PLEKHA7: variants seen among roughly 807,000 people sequenced by gnomAD.
PLEKHA7 encodes the protein pleckstrin homology domain containing A7.
PLEKHA7 carries 104 observed loss-of-function variants against 170.0 expected under a neutral mutation model. The ratio of observed to expected loss-of-function variants is 0.61; its 90% CI spans 0.52 to 0.72. The LOEUF (loss-of-function observed/expected upper bound fraction) is 0.72. PLEKHA7 is among the 30% of genes least tolerant of loss of function. PLEKHA7 has a pLI of 0.00. For missense variants in PLEKHA7, 1,615 were observed against 1,671.7 expected (o/e 0.97, Z 0.59); for synonymous variants, 648 against 660.8 (o/e 0.98, Z 0.30).
In PLEKHA7 at chr11:16,813,394, C is replaced by T. The variant is rs994873748; in HGVS notation, c.1954-228G>A. Reference sequence around the variant, plus strand: ...CACTGTGGGGAAAGTCAGCTTGTCCCCCACTGGCTAGGGGAAGAGTTTGGC... The same window carrying T: ...CACTGTGGGGAAAGTCAGCTTGTCCTCCACTGGCTAGGGGAAGAGTTTGGC... On this transcript the variant is annotated intron_variant, in intron 12 of 26. Transcript: ENST00000531066. 4 of 440,352 alleles carry T rather than the reference C, an allele frequency of 9.1e-6. No individual in the cohort carries two copies. In the Admixed American group the frequency reaches 1.4e-4, roughly 15 times the overall value. The allele number at this position is 440,352 out of a possible 1,614,324, so 27.3% of individuals were successfully genotyped here.
At chr11:16,915,202 T>A (rs1858547437) in intron 3 of PLEKHA7, among the ~76,000 whole-genome samples, 1 of 152,206 alleles carries the variant, frequency 6.6e-6, no homozygotes, top group Non-Finnish European at 1.5e-5. Flanking sequence ...AACATTGCCC[T>A]GAACTCACAA....
At chr11:17,012,884 C>T (rs879831984) in intron 3 of PLEKHA7, among the ~76,000 whole-genome samples, 1 of 152,154 alleles carries the variant, frequency 6.6e-6, no homozygotes, top group Non-Finnish European at 1.5e-5. Context: ...GTAAATCTCA[C>T]CCATCAGTAT....
intron 3 of PLEKHA7, among the ~76,000 whole-genome samples, chr11:16,992,727 G>C (rs1012709579): frequency 6.1e-5 from 9 of 147,514 alleles, no homozygotes; most frequent in Non-Finnish European, 8.9e-5. Context: ...CTGCACTCCA[G>C]CCTGGGCAAC....
At chr11:16,779,591 G>C (rs1352382327) in intron 26 of PLEKHA7, among the ~76,000 whole-genome samples, 6 of 152,138 alleles carry the variant, frequency 3.9e-5, no homozygotes, top group Non-Finnish European at 5.9e-5. Context: ...CGTGGCTAGA[G>C]CACTTCCCTA....
At chr11:16,915,648 T>C (rs1181920165) in intron 3 of PLEKHA7, among the ~76,000 whole-genome samples, 2 of 151,648 alleles carry the variant, frequency 1.3e-5, no homozygotes, top group Non-Finnish European at 2.9e-5. Flanking sequence ...TTACTGAGAA[T>C]GATGATTTCC....
intron 3 of PLEKHA7, among the ~76,000 whole-genome samples, chr11:16,982,844 G>C (rs1164924016): frequency 6.6e-6 from 1 of 151,816 alleles, no homozygotes; most frequent in Admixed American, 6.6e-5. Context: ...GAGAGAGAGA[G>C]AGAGAAACTC....
At chr11:17,005,340 T>C (rs1360608507) in intron 3 of PLEKHA7, among the ~76,000 whole-genome samples, 1 of 152,154 alleles carries the variant, frequency 6.6e-6, no homozygotes, top group Non-Finnish European at 1.5e-5. Flanking sequence ...GAGACCAGCC[T>C]GGCCAACATG....
At chr11:16,878,230 C>T (rs1302875435) in intron 3 of PLEKHA7, among the ~76,000 whole-genome samples, 3 of 152,170 alleles carry the variant, frequency 2.0e-5, no homozygotes, top group Admixed American at 1.3e-4. Flanking sequence ...TAGCACCCTA[C>T]TCATCTCTTA....
At chr11:16,843,072 A>G (rs1407583824) in intron 8 of PLEKHA7, among the ~76,000 whole-genome samples, 1 of 152,204 alleles carries the variant, frequency 6.6e-6, no homozygotes, top group East Asian at 1.9e-4. Context: ...GAACTTTGCT[A>G]TTTTGTTCAC....
Position 16,955,134 on chromosome 11 carries a change from G to A in PLEKHA7, c.221+58855C>T, listed in dbSNP as rs532115264. 3.3e-5 allele frequency among the ~76,000 whole-genome samples: 5 copies of A among 152,152 alleles called. No homozygotes were observed. The South Asian group carries it at 8.3e-4, about 25-fold the overall frequency. On this transcript the variant is annotated intron_variant, in intron 3 of 26. Transcript: ENST00000531066. ...TTGAACGCAAAGCACTATGCTAGGCGCCCTAGAGAATACAAAGAAGAAAAC... is the reference window on the plus strand; with the variant it reads ...TTGAACGCAAAGCACTATGCTAGGCACCCTAGAGAATACAAAGAAGAAAAC...
In PLEKHA7 at chr11:16,841,553, A is replaced by C. The variant is rs1851960856; in HGVS notation, c.866T>G (p.Leu289Arg). ...QAAQVLSRSS[L>R]KRDMEKVERQ... Reference sequence around the variant, plus strand: ...ACCCTCCATCAGAACTAACCTCTTCAGTGACGATCGAGACAGCACCTGTGC... The same window carrying C: ...ACCCTCCATCAGAACTAACCTCTTCCGTGACGATCGAGACAGCACCTGTGC... The change falls in exon 9 of 27, where the codon CTG becomes CGG. Residue 289 changes from leucine to arginine, a missense_variant. By Grantham distance (102) the Leu-to-Arg change is moderately radical (BLOSUM62 -2). Transcript: ENST00000531066. The C allele has an allele frequency of 1.2e-6, 2 of 1,613,072 alleles. No individual in the cohort carries two copies.
At chr11:16,967,503 A>G (rs1420483164) in intron 3 of PLEKHA7, among the ~76,000 whole-genome samples, 1 of 152,304 alleles carries the variant, frequency 6.6e-6, no homozygotes, top group East Asian at 1.9e-4. Flanking sequence ...AGGTGAGGGG[A>G]GGAAACAGCT....
At chr11:16,799,416 A>C (rs2134354765) in intron 17 of PLEKHA7, among the ~76,000 whole-genome samples, 1 of 152,358 alleles carries the variant, frequency 6.6e-6, no homozygotes, top group South Asian at 2.1e-4. Flanking sequence ...GGAGGGGCAG[A>C]AAGGGAGAGG....
At chr11:17,003,273 G>T (rs1011466276) in intron 3 of PLEKHA7, among the ~76,000 whole-genome samples, 3 of 152,152 alleles carry the variant, frequency 2.0e-5, no homozygotes, top group African/African-American at 7.2e-5. Flanking sequence ...TTACACATGT[G>T]AGCCACCACA....
intron 3 of PLEKHA7, among the ~76,000 whole-genome samples, chr11:16,976,222 G>T (rs1863053747): frequency 6.6e-6 from 1 of 152,244 alleles, no homozygotes; most frequent in Admixed American, 6.5e-5. Flanking sequence ...AAGAAATAAG[G>T]CCTGGGAGTA....
rs571326082 is a variant in PLEKHA7, at chr11:16,916,839, C to T, written c.222-45657G>A. Among the ~76,000 whole-genome samples the T allele has an allele frequency of 2.6e-5, 4 of 152,326 alleles. No individual in the cohort carries two copies. The South Asian group carries it at 8.3e-4, about 32-fold the overall frequency. ...TGCCCACCTTCCTCCAACTTATCCTCAGTGGCACCCCTGAGGTCAGGCTGG... is the reference window on the plus strand; with the variant it reads ...TGCCCACCTTCCTCCAACTTATCCTTAGTGGCACCCCTGAGGTCAGGCTGG... On this transcript the variant is annotated intron_variant, in intron 3 of 26. Transcript: ENST00000531066.
intron 3 of PLEKHA7, among the ~76,000 whole-genome samples, chr11:16,931,192 C>A (rs1465820785): frequency 6.6e-6 from 1 of 152,048 alleles, no homozygotes; most frequent in Non-Finnish European, 1.5e-5. Context: ...TATATTTTAA[C>A]CAGAACAACC....
At chr11:16,790,757 G>T (rs772292934) in intron 21 of PLEKHA7, 41 bp downstream of exon 21, 2 of 1,579,060 alleles carry the variant, frequency 1.3e-6, no homozygotes. Context: ...AAGCAGTGTG[G>T]TGGGATTCCC....
rs539734637 is a variant in PLEKHA7, at chr11:16,788,930, C to T, written c.3357+166G>A. 99 of 830,130 alleles carry T rather than the reference C, an allele frequency of 1.2e-4. 1 individual carries two copies. In the African/African-American group the frequency reaches 1.2e-3, roughly 10 times the overall value. The allele number at this position is 830,130 out of a possible 1,614,324, so 51.4% of individuals were successfully genotyped here. A position where few individuals can be genotyped will look rare whatever the true frequency, so the allele number is the denominator to read the frequency against. ...TCAGGTCACCCTCTGACCAGGCATT[C>T]GTCCAGCCTGGGTCGTGGACAAACA... is the stretch of plus-strand genomic sequence containing the variant. On this transcript the variant is annotated intron_variant, in intron 23 of 26. Coordinates refer to ENST00000531066, the MANE Select transcript of PLEKHA7 (RefSeq NM_001329630.2).
Sources: allele counts gnomAD v4.1 joint callset (sites outside exome capture counted in the v4.1 genomes callset), GRCh38; gene constraint gnomAD v4.1.1; transcripts MANE v1.5; gene names NCBI Gene and HGNC (gene_info 2026-07-23, HGNC 2026-07-21).